The following ADGRL3 variants were observed in gnomAD, a reference collection of about 807,000 sequenced individuals.
ADGRL3 encodes adhesion G protein-coupled receptor L3, also known as calcium-independent alpha-latrotoxin receptor 3.
In ADGRL3, 62 loss-of-function variants were observed where a neutral mutation model predicts 153.5. The observed-to-expected ratio is 0.40, with a 90% CI of 0.33 to 0.50. The LOEUF is 0.50. ADGRL3 is among the 20% of genes least tolerant of loss of function. ADGRL3 has a pLI of 0.47. For missense variants in ADGRL3, 1,641 were observed against 1,859.4 expected, an observed-to-expected ratio of 0.88 and a Z score of 2.16; for synonymous variants, 710 against 672.5, an observed-to-expected ratio of 1.06 and a Z score of -0.86.
intron 8 of ADGRL3, among the ~76,000 whole-genome samples, chr4:61,805,884 A>G (rs954414756): frequency 1.3e-5 from 2 of 152,204 alleles, no homozygotes; most frequent in African/African-American, 4.8e-5. Flanking sequence ...GTTTTCTGCT[A>G]GAAAATGGGT....
intron 9 of ADGRL3, among the ~76,000 whole-genome samples, chr4:61,869,422 C>T (rs1041004087): frequency 4.0e-5 from 6 of 151,244 alleles, no homozygotes; most frequent in Non-Finnish European, 8.8e-5. Flanking sequence ...CAAGGTGAAA[C>T]CCCATCTCTA....
At chr4:61,328,849 T>A (rs1253821082) in intron 1 of ADGRL3, among the ~76,000 whole-genome samples, 2 of 152,150 alleles carry the variant, frequency 1.3e-5, no homozygotes, top group African/African-American at 4.8e-5. Context: ...TGTTGTGCAC[T>A]GTTCTCCATA....
intron 8 of ADGRL3, among the ~76,000 whole-genome samples, chr4:61,808,942 A>G (rs2097579490): frequency 6.6e-6 from 1 of 152,102 alleles, no homozygotes; most frequent in African/African-American, 2.4e-5. Flanking sequence ...GATATAACTT[A>G]CTAACATCCA....
At chr4:61,628,021 C>G (rs1356726743) in intron 5 of ADGRL3, among the ~76,000 whole-genome samples, 1 of 151,948 alleles carries the variant, frequency 6.6e-6, no homozygotes, top group African/African-American at 2.4e-5. Flanking sequence ...CAGAGTAACT[C>G]TCCTTGGAGT....
At chr4:61,448,188 C>T (rs1478975911) in intron 2 of ADGRL3, among the ~76,000 whole-genome samples, 1 of 152,160 alleles carries the variant, frequency 6.6e-6, no homozygotes, top group Admixed American at 6.5e-5. Flanking sequence ...ATAAAATCTT[C>T]CCCTGCTCCC....
intron 4 of ADGRL3, 37 bp downstream of exon 4, chr4:61,517,555 C>A: frequency 1.4e-6 from 1 of 696,988 alleles, no homozygotes; most frequent in Non-Finnish European, 2.6e-6. Context: ...CTGGGGGTGG[C>A]TGGGCAGGGG....
intron 2 of ADGRL3, among the ~76,000 whole-genome samples, chr4:61,473,888 A>G (rs1395309733): frequency 6.6e-6 from 1 of 152,104 alleles, no homozygotes; most frequent in Non-Finnish European, 1.5e-5. Context: ...GATGAATAAA[A>G]CATGAACTTG....
chr4:61,426,168 C>T (rs1032109348), intron 2 of ADGRL3, among the ~76,000 whole-genome samples: 2 of 152,232 alleles, frequency 1.3e-5, no homozygotes, highest in African/African-American at 4.8e-5. Flanking sequence ...TGGCGTGGCT[C>T]CAAATGAGTT....
chr4:61,923,146 G>A (rs1384630849), intron 13 of ADGRL3, among the ~76,000 whole-genome samples: 2 of 152,194 alleles, frequency 1.3e-5, no homozygotes, highest in Admixed American at 1.3e-4. Flanking sequence ...GGTTGAGGGA[G>A]AAGGCTATGG....
chr4:61,804,533 G>T (rs1262743710), intron 8 of ADGRL3, among the ~76,000 whole-genome samples: 1 of 152,048 alleles, frequency 6.6e-6, no homozygotes, highest in Non-Finnish European at 1.5e-5. Flanking sequence ...ATCATTATAG[G>T]TGTAAAGAAC....
At chr4:62,068,543 T>C (rs1744214558) in intron 26 of ADGRL3, among the ~76,000 whole-genome samples, 1 of 152,194 alleles carries the variant, frequency 6.6e-6, no homozygotes, top group Non-Finnish European at 1.5e-5. Flanking sequence ...TATTTTACTA[T>C]GGCTGTTTTC....
chr4:61,733,226 A>G lies in ADGRL3; in HGVS notation c.1071A>G (p.Gln357=), dbSNP rs530970218. 737 of 1,613,720 alleles carry G rather than the reference A, an allele frequency of 4.6e-4. 8 individuals carry two copies. The South Asian group carries it at 7.7e-3, about 17-fold the overall frequency. ...EQNNGKIVIS[Q]LNPYTLRIEG... ...ACAATGGTAAAATTGTCATTAGTCA[A>G]TTGAACCCTTACACCCTACGGATCG... Residue 357 remains glutamine (Q), a synonymous_variant, in exon 8 of 27, where the codon CAA becomes CAG. Coordinates refer to ENST00000683033, the MANE Select transcript of ADGRL3 (RefSeq NM_001387552.1).
At chr4:61,214,463 T>G (rs1284840129) in intron 1 of ADGRL3, among the ~76,000 whole-genome samples, 1 of 152,322 alleles carries the variant, frequency 6.6e-6, no homozygotes, top group Admixed American at 6.5e-5. Context: ...GTTCTAAAAT[T>G]TAAGTATGAA....
intron 15 of ADGRL3, among the ~76,000 whole-genome samples, chr4:61,938,507 G>A (rs919169910): frequency 2.0e-5 from 3 of 152,094 alleles, no homozygotes; most frequent in Non-Finnish European, 2.9e-5. Flanking sequence ...GAAAAGGCTG[G>A]AGAATCAGTC....
intron 21 of ADGRL3, among the ~76,000 whole-genome samples, chr4:62,006,002 A>G (rs2099156741): frequency 1.2e-5 from 1 of 80,264 alleles, no homozygotes; most frequent in Non-Finnish European, 2.5e-5. Context: ...ACACACACAC[A>G]CATATATATA....
chr4:61,467,960 CAT>C (rs1166768372), intron 2 of ADGRL3, among the ~76,000 whole-genome samples: 3 of 152,078 alleles, frequency 2.0e-5, no homozygotes, highest in African/African-American at 2.4e-5. Context: ...AATTTATACA[CAT>C]GTTGCTTTCT....
chr4:61,604,500 A>T (rs2149572909), intron 5 of ADGRL3, among the ~76,000 whole-genome samples: 1 of 152,354 alleles, frequency 6.6e-6, no homozygotes, highest in East Asian at 1.9e-4. Flanking sequence ...AATATTTAAC[A>T]TTGTATAATA....
chr4:61,932,627 C>G (rs984491578), intron 13 of ADGRL3, among the ~76,000 whole-genome samples: 1 of 152,046 alleles, frequency 6.6e-6, no homozygotes, highest in African/African-American at 2.4e-5. Flanking sequence ...ATATGGCCTG[C>G]AGTTTTCTCG....
chr4:61,717,859 C>A (rs934073737), intron 6 of ADGRL3, among the ~76,000 whole-genome samples: 2 of 151,866 alleles, frequency 1.3e-5, no homozygotes, highest in Non-Finnish European at 1.5e-5. Flanking sequence ...CGTGGTGGAA[C>A]CCCATCTCAA....
Sources: gnomAD v4.1 joint callset for allele counts (sites outside exome capture counted in the v4.1 genomes callset) on GRCh38, gnomAD v4.1.1 for gene constraint, MANE v1.5 for transcripts, NCBI Gene and HGNC (gene_info 2026-07-23, HGNC 2026-07-21) for gene names.